AEBP2: variants seen among roughly 807,000 people sequenced by gnomAD.
AEBP2 encodes the protein AE binding protein 2.
Under a neutral mutation model 50.8 loss-of-function variants are expected in AEBP2, and 10 were observed. The ratio of observed to expected loss-of-function variants is 0.20; its 90% CI spans 0.12 to 0.33. The LOEUF (loss-of-function observed/expected upper bound fraction) is 0.33. Among genes scored for constraint, AEBP2 ranks in the 10% least tolerant of loss-of-function variants. The pLI, the probability that AEBP2 is intolerant of heterozygous loss-of-function variation, is 1.00. For missense variants in AEBP2, 570 were observed against 688.0 expected (o/e 0.83, Z 1.92); for synonymous variants, 296 against 261.3 (o/e 1.13, Z -1.28).
chr12:19,517,594 C>T (rs1949338988), intron 7 of AEBP2, among the ~76,000 whole-genome samples: 2 of 152,208 alleles, frequency 1.3e-5, no homozygotes, highest in South Asian at 2.1e-4. Flanking sequence ...ATTTTGGAAT[C>T]TGCAGGGGAT....
chr12:19,438,204 G>A (rs1947881164), upstream of AEBP2, among the ~76,000 whole-genome samples: 1 of 152,198 alleles, frequency 6.6e-6, no homozygotes, highest in African/African-American at 2.4e-5. Flanking sequence ...AAGTCAGGTG[G>A]TTTTCAGTTG....
chr12:19,512,211 G>A (rs1258530352), intron 5 of AEBP2, among the ~76,000 whole-genome samples, 187 bp from the exon 6 acceptor site: 1 of 152,030 alleles, frequency 6.6e-6, no homozygotes, highest in Non-Finnish European at 1.5e-5. Context: ...TAGTAGAGAC[G>A]GGGTTTCACC....
chr12:19,512,122 A>C (rs1051165323), intron 5 of AEBP2, among the ~76,000 whole-genome samples: 1 of 152,024 alleles, frequency 6.6e-6, no homozygotes, highest in Non-Finnish European at 1.5e-5. Flanking sequence ...CCTGGGTTCA[A>C]GTGATTCTCC....
intron 2 of AEBP2, chr12:19,466,703 C>A: frequency 1.4e-6 from 1 of 709,090 alleles, no homozygotes; most frequent in Non-Finnish European, 1.7e-6. Flanking sequence ...ATTTTGTTGG[C>A]CTAATTATTT....
chr12:19,516,878 T>C (rs1949327139), intron 7 of AEBP2, among the ~76,000 whole-genome samples: 1 of 151,934 alleles, frequency 6.6e-6, no homozygotes, highest in Non-Finnish European at 1.5e-5. Flanking sequence ...AATGCAAAAA[T>C]CAGTCGGACG....
At chr12:19,436,533 C>T (rs190287732), upstream of AEBP2, among the ~76,000 whole-genome samples, 10 of 151,672 alleles carry the variant, frequency 6.6e-5, no homozygotes, top group Middle Eastern at 3.5e-3. Context: ...GGGTCGGGAT[C>T]GGGGCCCCTT....
intron 2 of AEBP2, 119 bp downstream of exon 2, chr12:19,462,836 T>C: frequency 1.1e-6 from 1 of 881,622 alleles, no homozygotes; most frequent in Non-Finnish European, 1.7e-6. Context: ...AGGCTTAGTT[T>C]TTTCAAGTGA....
intron 1 of AEBP2, among the ~76,000 whole-genome samples, chr12:19,421,712 G>C (rs1193787236): frequency 6.6e-6 from 1 of 152,240 alleles, no homozygotes; most frequent in East Asian, 1.9e-4. Context: ...GGGGCCTGGA[G>C]GCCCCTGATG....
At chr12:19,487,249 A>G (rs563495378) in intron 3 of AEBP2, among the ~76,000 whole-genome samples, 88 of 151,982 alleles carry the variant, frequency 5.8e-4, no homozygotes, top group African/African-American at 2.1e-3. Context: ...AATGGAGTCT[A>G]TTGTGTTATG....
intron 3 of AEBP2, among the ~76,000 whole-genome samples, chr12:19,487,184 A>T (rs1207545314): frequency 1.3e-5 from 2 of 152,154 alleles, no homozygotes; most frequent in Admixed American, 6.6e-5. Flanking sequence ...TGTGTTAGAT[A>T]TATGTATTAT....
In AEBP2 at chr12:19,519,688, GA is replaced by G. The variant is rs1299256371; in HGVS notation, c.*1573del. On this transcript the variant is annotated 3_prime_UTR_variant, in exon 8 of 8. Coordinates refer to ENST00000266508, the MANE Select transcript of AEBP2 (RefSeq NM_153207.5). ...TAAAGAAATATTAGACAAAAATATAGAATTAAAACCTTTGGTTCCAAAATGG... is the reference window on the plus strand; with the variant it reads ...TAAAGAAATATTAGACAAAAATATAGATTAAAACCTTTGGTTCCAAAATGG... 2 of 152,448 alleles carry G rather than the reference GA, an allele frequency of 1.3e-5. No individual in the cohort carries two copies. Among genetic ancestry groups the G allele is most frequent in the Non-Finnish European group, 2.9e-5 (2 of 67,940 alleles). 9.4% of individuals were successfully genotyped at this position (152,448 alleles called of 1,614,324 possible). A position where few individuals can be genotyped will look rare whatever the true frequency, so the allele number is the denominator to read the frequency against.
chr12:19,457,730 A>T, intron 1 of AEBP2: 1 of 856,232 alleles, frequency 1.2e-6, no homozygotes, highest in Non-Finnish European at 1.6e-6. Flanking sequence ...CTAGTCAGAG[A>T]GATCTTTTCG....
chr12:19,516,295 T>TTA (rs1243547638), intron 7 of AEBP2, among the ~76,000 whole-genome samples: 8 of 152,178 alleles, frequency 5.3e-5, no homozygotes, highest in Non-Finnish European at 1.2e-4. Context: ...TTATTTCTGT[T>TTA]TACTCTTTGG....
intron 6 of AEBP2, among the ~76,000 whole-genome samples, chr12:19,513,322 A>ATT (rs35311682): frequency 3.3e-5 from 5 of 150,792 alleles, no homozygotes; most frequent in Non-Finnish European, 7.4e-5. Flanking sequence ...TATTTCATGT[A>ATT]TTTTTTTATC....
intron 1 of AEBP2, among the ~76,000 whole-genome samples, chr12:19,441,449 A>T (rs944591526): frequency 1.3e-4 from 20 of 152,026 alleles, no homozygotes; most frequent in Non-Finnish European, 2.5e-4. Context: ...TGACAATCAC[A>T]TTTTTTTTAA....
In AEBP2 at chr12:19,440,275, G is replaced by A; in HGVS notation, c.576G>A (p.Gly192=). ...GCGGCGACGAGGGCTACGGGACTGG[G>A]GGAGGCGGAAGCAGCGCGACCTCCG... The part of the protein sequence containing the change: ...SSGGDEGYGT[G]GGGSSATSGG... The change falls in exon 1 of 8, where the codon GGG becomes GGA. Residue 192 remains glycine (G), a synonymous_variant. Transcript: ENST00000266508. 3 of 1,468,526 alleles carry A rather than the reference G, an allele frequency of 2.0e-6. No homozygotes were observed. Among genetic ancestry groups the A allele is most frequent in the Non-Finnish European group, 2.7e-6 (3 of 1,119,334 alleles). 91.0% of individuals were successfully genotyped at this position (1,468,526 alleles called of 1,614,324 possible). A position where few individuals can be genotyped will look rare whatever the true frequency, so the allele number is the denominator to read the frequency against.
At chr12:19,468,193 C>T (rs1013566297) in intron 2 of AEBP2, among the ~76,000 whole-genome samples, 16 of 147,312 alleles carry the variant, frequency 1.1e-4, no homozygotes, top group Middle Eastern at 3.5e-3. Context: ...CTATGTTGTC[C>T]AAGCTAGTCT....
intron 1 of AEBP2, among the ~76,000 whole-genome samples, chr12:19,405,426 G>A (rs1321426335): frequency 1.3e-5 from 2 of 151,616 alleles, no homozygotes; most frequent in Non-Finnish European, 2.9e-5. Flanking sequence ...CCGATTTCAA[G>A]CAATTCTCCT....
intron 3 of AEBP2, among the ~76,000 whole-genome samples, chr12:19,476,113 G>A (rs1185913730): frequency 1.3e-5 from 2 of 152,132 alleles, no homozygotes; most frequent in Admixed American, 1.3e-4. Context: ...TTGCTTTAGG[G>A]TTCTTGGTCA....
Sources: gnomAD v4.1 joint callset for allele counts (sites outside exome capture counted in the v4.1 genomes callset) on GRCh38, gnomAD v4.1.1 for gene constraint, MANE v1.5 for transcripts, NCBI Gene and HGNC (gene_info 2026-07-23, HGNC 2026-07-21) for gene names.